The following SLC17A3 variants were observed in gnomAD, a reference collection of about 807,000 sequenced individuals.
The protein encoded by SLC17A3 is sodium-dependent phosphate transport protein 4.
In SLC17A3, 61 loss-of-function variants were observed where a neutral mutation model predicts 60.3. That is an observed-to-expected ratio of 1.01 (90% CI 0.82 to 1.25). The LOEUF (loss-of-function observed/expected upper bound fraction) is 1.25, where lower values mean the gene tolerates loss of function less well. Among genes scored for constraint, SLC17A3 ranks in the 50% most tolerant of loss-of-function variants. The pLI, the probability that SLC17A3 is intolerant of heterozygous loss-of-function variation, is 0.00. For synonymous variants in SLC17A3, 192 were observed against 208.9 expected (o/e 0.92, Z 0.70); for missense variants, 624 against 594.9 (o/e 1.05, Z -0.51).
Position 25,855,180 on chromosome 6 carries a change from C to T in SLC17A3, c.676G>A (p.Glu226Lys). The T allele has an allele frequency of 6.2e-7, 1 of 1,613,662 alleles. No homozygotes were observed. The highest frequency in any genetic ancestry group is 8.5e-7 in the Non-Finnish European group (1 of 1,179,736). Reference protein sequence around the residue: ...TAILIGGFISETLGWPFVFYI... With the variant: ...TAILIGGFISKTLGWPFVFYI... ...AAGACAAAGGGCCACCCAAGGGTTT[C>T]ACTAATGAAGCCACCTATGAGGATG... is the stretch of plus-strand genomic sequence containing the variant. The change falls in exon 6 of 13, where the codon GAA becomes AAA. Residue 226 changes from glutamate to lysine, a missense_variant. Coordinates refer to ENST00000397060, the MANE Select transcript of SLC17A3 (RefSeq NM_001098486.2).
Position 25,861,650 on chromosome 6 carries a change from C to A in SLC17A3, c.599G>T (p.Ser200Ile), listed in dbSNP as rs1187839971. Reference protein sequence around the residue: ...WEKWGPPQERSRLCSIALSGM... With the variant: ...WEKWGPPQERIRLCSIALSGM... Reference sequence around the variant, plus strand: ...TGATAAAGCAATGCTGCAGAGTCTGCTTCGTTCTTGTGGAGGGCCCCACTT... The same window carrying A: ...TGATAAAGCAATGCTGCAGAGTCTGATTCGTTCTTGTGGAGGGCCCCACTT... Residue 200 changes from serine to isoleucine, a missense_variant, in exon 5 of 13, where the codon AGC becomes ATC. Ser to Ile is a moderately radical substitution (Grantham distance 142). Coordinates refer to ENST00000397060, the MANE Select transcript of SLC17A3 (RefSeq NM_001098486.2). 6.2e-7 allele frequency: 1 copy of A among 1,614,054 alleles called. No homozygotes were observed. Among genetic ancestry groups the A allele is most frequent in the Non-Finnish European group, 8.5e-7 (1 of 1,179,910 alleles).
intron 2 of SLC17A3, among the ~76,000 whole-genome samples, chr6:25,863,972 C>G (rs537080158): frequency 1.3e-5 from 2 of 151,960 alleles, no homozygotes; most frequent in African/African-American, 4.8e-5. Context: ...ATATGAAACA[C>G]AAACAGTAAA....
rs375777292 is a variant in SLC17A3, at chr6:25,861,818, C to T, written c.515G>A (p.Arg172Gln). 44 of 1,613,376 alleles carry T rather than the reference C, an allele frequency of 2.7e-5. No homozygotes were observed. The Admixed American group carries it at 3.5e-4, about 13-fold the overall frequency. ...TACCTGGCTTAGGCCCTGGACTATT[C>T]GAGTTACAATGAGCAAGACTATTCC... Reference protein sequence around the residue: ...DFGIVLLIVTRIVQGLSQSSI... With the variant: ...DFGIVLLIVTQIVQGLSQSSI... The change falls in exon 4 of 13, where the codon CGA becomes CAA. Residue 172 changes from arginine (R) to glutamine (Q), a missense_variant. Coordinates refer to ENST00000397060, the MANE Select transcript of SLC17A3 (RefSeq NM_001098486.2).
chr6:25,868,083 T>C (rs1331949754), intron 2 of SLC17A3, among the ~76,000 whole-genome samples: 1 of 151,948 alleles, frequency 6.6e-6, no homozygotes, highest in Non-Finnish European at 1.5e-5. Context: ...AATGTAAAGA[T>C]TGGATAGATA....
At chr6:25,847,993 G>A (rs1376761537) in intron 11 of SLC17A3, among the ~76,000 whole-genome samples, 1 of 152,152 alleles carries the variant, frequency 6.6e-6, no homozygotes, top group African/African-American at 2.4e-5. Context: ...GAGAATGTAT[G>A]ATGTTTGGTT....
chr6:25,855,233 G>T lies in SLC17A3; in HGVS notation c.626-3C>A. Reference sequence around the variant, plus strand: ...AGTAAAGCATCCCAGTAACATTCCTGCAAAGAGAGAGAAAGTAAGCTGTGG... The same window carrying T: ...AGTAAAGCATCCCAGTAACATTCCTTCAAAGAGAGAGAAAGTAAGCTGTGG... On this transcript the variant is annotated splice_polypyrimidine_tract_variant and splice_region_variant and intron_variant, in intron 5 of 12. Coordinates refer to ENST00000397060, the MANE Select transcript of SLC17A3 (RefSeq NM_001098486.2). The T allele has an allele frequency of 1.2e-6, 2 of 1,609,302 alleles. No homozygotes were observed. Among genetic ancestry groups the T allele is most frequent in the Non-Finnish European group, 1.7e-6 (2 of 1,176,056 alleles).
Position 25,850,161 on chromosome 6 carries a change from G to A in SLC17A3, c.1010C>T (p.Ala337Val). ...GACCCAGGCAACAATAAAAGGAAGG[G>A]CAGATAGAAGTCCATTCTAAAGAGA... The part of the protein sequence containing the change: ...VNIRDNGLLS[A>V]LPFIVAWVIG... Residue 337 changes from alanine to valine, a missense_variant, in exon 9 of 13, where the codon GCC becomes GTC. By Grantham distance (64) the Ala-to-Val change is moderately conservative. Coordinates refer to ENST00000397060, the MANE Select transcript of SLC17A3 (RefSeq NM_001098486.2). 2 of 1,613,562 alleles carry A rather than the reference G, an allele frequency of 1.2e-6. No homozygotes were observed. Among genetic ancestry groups the A allele is most frequent in the South Asian group, 1.1e-5 (1 of 91,058 alleles).
At chr6:25,848,599 T>A in intron 11 of SLC17A3, among the ~76,000 whole-genome samples, 1 of 152,260 alleles carries the variant, frequency 6.6e-6, no homozygotes. Context: ...AAAAATCAAC[T>A]GAAGATAGAT....
intron 6 of SLC17A3, 111 bp downstream of exon 6, chr6:25,855,033 A>G: frequency 1.3e-6 from 1 of 774,442 alleles, no homozygotes; most frequent in South Asian, 1.5e-5. Context: ...TTGGTTTTCT[A>G]GGATTTATCT....
rs1373896702 is a variant in SLC17A3, at chr6:25,849,703, C to A, written c.1271+102G>T. The A allele has an allele frequency of 2.2e-6, 3 of 1,355,990 alleles. No individual in the cohort carries two copies. The East Asian group carries it at 7.0e-5, about 31-fold the overall frequency. The allele number at this position is 1,355,990 out of a possible 1,614,324, so 84.0% of individuals were successfully genotyped here. A position where few individuals can be genotyped will look rare whatever the true frequency, so the allele number is the denominator to read the frequency against. ...GGCCACAGGTCTATCTGTGGTTCTT[C>A]CCCTATGGTTTATTCATTTCCTAAG... On this transcript the variant is annotated intron_variant, in intron 10 of 12. Transcript: ENST00000397060.
Position 25,861,809 on chromosome 6 carries a change from T to C in SLC17A3, c.524A>G (p.Gln175Arg), listed in dbSNP as rs774878955. The C allele has an allele frequency of 6.2e-7, 1 of 1,613,592 alleles. No homozygotes were observed. Among genetic ancestry groups the C allele is most frequent in the South Asian group, 1.1e-5 (1 of 91,054 alleles). The change falls in exon 4 of 13, where the codon CAG becomes CGG. Residue 175 changes from glutamine to arginine, a missense_variant. Coordinates refer to ENST00000397060, the MANE Select transcript of SLC17A3 (RefSeq NM_001098486.2). ...IVLLIVTRIVQGLSQSSILGG... is the reference protein window; with the variant it reads ...IVLLIVTRIVRGLSQSSILGG... ...AATATTGGGTACCTGGCTTAGGCCC[T>C]GGACTATTCGAGTTACAATGAGCAA...
At position 25,850,839 on chromosome 6, in the gene SLC17A3, C is replaced by T; in HGVS notation, c.751G>A (p.Val251Met). The T allele has an allele frequency of 8.1e-6, 13 of 1,614,062 alleles. No homozygotes were observed. Among genetic ancestry groups the T allele is most frequent in the Non-Finnish European group, 1.1e-5 (13 of 1,179,944 alleles). The part of the protein sequence containing the change: ...GCVCCLLWFV[V>M]IYDDPVSYPW... ...TAGGAAACGGGGTCATCATAAATCA[C>T]AACAAACCAGAGAAGGCAGCAGACA... The change falls in exon 7 of 13, where the codon GTG becomes ATG. Residue 251 changes from valine (V) to methionine (M), a missense_variant. Val to Met is a conservative substitution (Grantham distance 21, BLOSUM62 1). Transcript: ENST00000397060.
chr6:25,860,166 T>G (rs1281783153), intron 5 of SLC17A3, among the ~76,000 whole-genome samples: 1 of 152,200 alleles, frequency 6.6e-6, no homozygotes, highest in East Asian at 1.9e-4. Context: ...ATTTTTCTTA[T>G]CAACTATTAA....
At chr6:25,863,877 T>C (rs927345933) in intron 2 of SLC17A3, among the ~76,000 whole-genome samples, 3 of 151,988 alleles carry the variant, frequency 2.0e-5, no homozygotes, top group Admixed American at 6.6e-5. Flanking sequence ...TCACCTCCAA[T>C]ATTGGGCCCT....
At chr6:25,868,486 A>C (rs1765576628) in intron 1 of SLC17A3, 66 bp from the exon 2 acceptor site, 1 of 1,067,390 alleles carries the variant, frequency 9.4e-7, no homozygotes, top group Admixed American at 2.0e-5. Flanking sequence ...TGAAATATTT[A>C]AACAAGGGCA....
intron 1 of SLC17A3, among the ~76,000 whole-genome samples, chr6:25,870,898 G>T (rs535374682): frequency 7.9e-5 from 12 of 152,124 alleles, no homozygotes; most frequent in Admixed American, 1.3e-4. Flanking sequence ...GAAAATGAAG[G>T]TAAAACTTGA....
At chr6:25,870,554 G>T (rs1006714069) in intron 1 of SLC17A3, among the ~76,000 whole-genome samples, 1 of 151,952 alleles carries the variant, frequency 6.6e-6, no homozygotes, top group African/African-American at 2.4e-5. Flanking sequence ...AGATTATCCT[G>T]AATTAAGCAG....
chr6:25,849,483 T>C lies in SLC17A3; in HGVS notation c.1272-19A>G. 6.6e-7 allele frequency: 1 copy of C among 1,508,090 alleles called. No homozygotes were observed. Among genetic ancestry groups the C allele is most frequent in the Non-Finnish European group, 9.2e-7 (1 of 1,083,782 alleles). 93.4% of individuals were successfully genotyped at this position (1,508,090 alleles called of 1,614,324 possible). ...GGAATACCTGTGGGTGACAGGAATG[T>C]TCCGGTCTAGATCCAGAGATGTTTG... is the stretch of plus-strand genomic sequence containing the variant. On this transcript the variant is annotated intron_variant, in intron 10 of 12. Transcript: ENST00000397060.
At position 25,845,275 on chromosome 6, in the gene SLC17A3, A is replaced by G; in HGVS notation, c.*26T>C. 7.3e-7 allele frequency: 1 copy of G among 1,370,244 alleles called. No homozygotes were observed. Among genetic ancestry groups the G allele is most frequent in the Non-Finnish European group, 1.0e-6 (1 of 965,864 alleles). The allele number at this position is 1,370,244 out of a possible 1,614,324, so 84.9% of individuals were successfully genotyped here. On this transcript the variant is annotated 3_prime_UTR_variant, in exon 13 of 13. Coordinates refer to ENST00000397060, the MANE Select transcript of SLC17A3 (RefSeq NM_001098486.2). ...ATTTTATGCAATACGGTGCCTAATG[A>G]CTTTTCCATCCAAGGTGGGATAACT... is the stretch of plus-strand genomic sequence containing the variant.
Sources: allele counts gnomAD v4.1 joint callset (sites outside exome capture counted in the v4.1 genomes callset), GRCh38; gene constraint gnomAD v4.1.1; transcripts MANE v1.5; gene names NCBI Gene and HGNC (gene_info 2026-07-23, HGNC 2026-07-21).